TMEM132C: variants seen among roughly 807,000 people sequenced by gnomAD.
TMEM132C encodes transmembrane protein 132C.
A neutral mutation model predicts 61.4 loss-of-function variants in TMEM132C; 29 were observed. The ratio of observed to expected loss-of-function variants is 0.47; its 90% CI spans 0.35 to 0.64. The LOEUF (loss-of-function observed/expected upper bound fraction) is 0.64, where lower values mean the gene tolerates loss of function less well. Among genes scored for constraint, TMEM132C ranks in the 30% least tolerant of loss-of-function variants. The pLI is 0.00. For synonymous variants in TMEM132C, 656 were observed against 633.1 expected (o/e 1.04, Z -0.54); for missense variants, 1,408 against 1,476.9 (o/e 0.95, Z 0.76).
At chr12:128,562,677 C>T (rs1254063440) in intron 3 of TMEM132C, among the ~76,000 whole-genome samples, 3 of 152,198 alleles carry the variant, frequency 2.0e-5, no homozygotes, top group Non-Finnish European at 4.4e-5. Context: ...CCTCGCCTTC[C>T]TCCCGTGGAG....
At chr12:128,532,006 C>G (rs1221014678) in intron 2 of TMEM132C, among the ~76,000 whole-genome samples, 2 of 152,214 alleles carry the variant, frequency 1.3e-5, no homozygotes, top group African/African-American at 2.4e-5. Flanking sequence ...AGTTTCTATG[C>G]AGAGCCCTGC....
At chr12:128,616,565 T>G (rs769874150) in intron 4 of TMEM132C, among the ~76,000 whole-genome samples, 9 of 152,206 alleles carry the variant, frequency 5.9e-5, no homozygotes, top group Non-Finnish European at 1.0e-4. Flanking sequence ...GAGGTGGAAG[T>G]GAGCACCTGT....
At chr12:128,465,316 A>G (rs934283557) in intron 2 of TMEM132C, among the ~76,000 whole-genome samples, 4 of 151,612 alleles carry the variant, frequency 2.6e-5, no homozygotes, top group Admixed American at 2.0e-4. Context: ...CTCCTGACTC[A>G]GCCTCCCGAG....
At chr12:128,273,289 G>A (rs905236503) in intron 1 of TMEM132C, among the ~76,000 whole-genome samples, 4 of 152,042 alleles carry the variant, frequency 2.6e-5, no homozygotes, top group Non-Finnish European at 5.9e-5. Context: ...CCACCTTTAT[G>A]TAATGCCTTT....
At chr12:128,509,193 G>T (rs1301014594) in intron 2 of TMEM132C, among the ~76,000 whole-genome samples, 1 of 152,202 alleles carries the variant, frequency 6.6e-6, no homozygotes, top group Non-Finnish European at 1.5e-5. Context: ...TTTTACCAAG[G>T]CTGAGGATGT....
Position 128,282,438 on chromosome 12 carries a change from G to T in TMEM132C, c.85+14951G>T, listed in dbSNP as rs140667956. Among the ~76,000 whole-genome samples, 144 of 152,350 alleles carry T rather than the reference G, an allele frequency of 9.5e-4. 1 individual carries two copies. The highest frequency in any genetic ancestry group is 3.4e-3 in the African/African-American group (141 of 41,584). Reference sequence around the variant, plus strand: ...AAGCAAGTACCTTTTTCACATGGTGGCAGGAAAAGGAAGAGGCAAAAGGAA... The same window carrying T: ...AAGCAAGTACCTTTTTCACATGGTGTCAGGAAAAGGAAGAGGCAAAAGGAA... On this transcript the variant is annotated intron_variant, in intron 1 of 8. Coordinates refer to ENST00000435159, the MANE Select transcript of TMEM132C (RefSeq NM_001136103.3).
intron 1 of TMEM132C, among the ~76,000 whole-genome samples, chr12:128,358,845 A>G (rs1050824918): frequency 3.9e-5 from 6 of 152,164 alleles, no homozygotes; most frequent in Non-Finnish European, 8.8e-5. Flanking sequence ...CTGCCCATAT[A>G]CTCATGTTAA....
rs75831682 is a variant in TMEM132C, at chr12:128,402,544, C to T, written c.86-12188C>T. Reference sequence around the variant, plus strand: ...AGTTTGTAGTAATTCGTTCCAGCAGCGTAGGAAACTGACACACCGTCCCTT... The same window carrying T: ...AGTTTGTAGTAATTCGTTCCAGCAGTGTAGGAAACTGACACACCGTCCCTT... On this transcript the variant is annotated intron_variant, in intron 1 of 8. Coordinates refer to ENST00000435159, the MANE Select transcript of TMEM132C (RefSeq NM_001136103.3). Among the ~76,000 whole-genome samples, 44 of 152,258 alleles carry T rather than the reference C, an allele frequency of 2.9e-4. No homozygotes were observed. In the South Asian group the frequency reaches 3.7e-3, roughly 13 times the overall value.
chr12:128,488,435 T>C (rs1217591387), intron 2 of TMEM132C, among the ~76,000 whole-genome samples: 1 of 152,076 alleles, frequency 6.6e-6, no homozygotes, highest in Non-Finnish European at 1.5e-5. Flanking sequence ...CCAAGGCGGG[T>C]GGATCACCTG....
intron 3 of TMEM132C, among the ~76,000 whole-genome samples, chr12:128,548,005 C>G (rs541244171): frequency 6.6e-6 from 1 of 152,128 alleles, no homozygotes; most frequent in South Asian, 2.1e-4. Context: ...CCACTCACCC[C>G]TATTGATCCC....
At chr12:128,427,390 G>C (rs575132336) in intron 2 of TMEM132C, among the ~76,000 whole-genome samples, 6 of 49,194 alleles carry the variant, frequency 1.2e-4, no homozygotes, top group Non-Finnish European at 2.0e-4. Flanking sequence ...CCAAAGGGGT[G>C]TGTGTGTGTG....
chr12:128,308,945 T>A (rs1400123608), intron 1 of TMEM132C, among the ~76,000 whole-genome samples: 1 of 152,170 alleles, frequency 6.6e-6, no homozygotes, highest in Non-Finnish European at 1.5e-5. Context: ...AGCGTTTTCT[T>A]CCAGTGGTGG....
At chr12:128,371,170 C>T (rs927340464) in intron 1 of TMEM132C, among the ~76,000 whole-genome samples, 2 of 152,146 alleles carry the variant, frequency 1.3e-5, no homozygotes, top group African/African-American at 4.8e-5. Flanking sequence ...ATTGTGTTCT[C>T]ATGTGAACAG....
intron 3 of TMEM132C, among the ~76,000 whole-genome samples, chr12:128,611,838 C>T (rs1281407244): frequency 6.6e-6 from 1 of 152,166 alleles, no homozygotes; most frequent in Non-Finnish European, 1.5e-5. Context: ...GCCAGCCATC[C>T]CATCAGTCAG....
At chr12:128,291,298 C>T (rs1000015878) in intron 1 of TMEM132C, among the ~76,000 whole-genome samples, 2 of 152,152 alleles carry the variant, frequency 1.3e-5, no homozygotes, top group Admixed American at 6.5e-5. Flanking sequence ...GTGTAGGTAC[C>T]GTTTTCACCC....
In TMEM132C at chr12:128,570,244, A is replaced by G. The variant is rs752459088; in HGVS notation, c.1121+26141A>G. 1.3e-5 allele frequency among the ~76,000 whole-genome samples: 2 copies of G among 151,966 alleles called. No individual in the cohort carries two copies. The highest frequency in any genetic ancestry group is 2.9e-5 in the Non-Finnish European group (2 of 67,992). On this transcript the variant is annotated intron_variant, in intron 3 of 8. Coordinates refer to ENST00000435159, the MANE Select transcript of TMEM132C (RefSeq NM_001136103.3). The surrounding 1 kb of genome is among the most constrained non-coding windows in gnomAD (Gnocchi z 4.7). Reference sequence around the variant, plus strand: ...CCCCACACACTCACACTGTGGTCACATTGAGAAAAGATGCAAGACGCATTC... The same window carrying G: ...CCCCACACACTCACACTGTGGTCACGTTGAGAAAAGATGCAAGACGCATTC...
chr12:128,410,200 A>AGTTTT (rs1041051932), intron 1 of TMEM132C, among the ~76,000 whole-genome samples: 3 of 152,170 alleles, frequency 2.0e-5, no homozygotes, highest in Non-Finnish European at 4.4e-5. Context: ...GGAGTCTTAA[A>AGTTTT]GAAGAGTTAC....
At chr12:128,495,722 G>A (rs1424473712) in intron 2 of TMEM132C, among the ~76,000 whole-genome samples, 1 of 152,026 alleles carries the variant, frequency 6.6e-6, no homozygotes, top group East Asian at 1.9e-4. Flanking sequence ...GAGCCTATGT[G>A]TGTCTCTGCA....
intron 2 of TMEM132C, among the ~76,000 whole-genome samples, chr12:128,524,919 C>T (rs1873032723): frequency 1.3e-5 from 2 of 152,176 alleles, no homozygotes; most frequent in African/African-American, 2.4e-5. Context: ...TACGGAAATG[C>T]CCTCCTCTGA....
Sources: allele counts gnomAD v4.1 joint callset (sites outside exome capture counted in the v4.1 genomes callset), GRCh38; gene constraint gnomAD v4.1.1; non-coding constraint Gnocchi (gnomAD v3.1); transcripts MANE v1.5; gene names NCBI Gene and HGNC (gene_info 2026-07-23, HGNC 2026-07-21).